The following TTC39B variants were observed in gnomAD, a reference collection of about 807,000 sequenced individuals.
TTC39B encodes tetratricopeptide repeat domain 39B, also known as tetratricopeptide repeat protein 39B.
In TTC39B, 92 loss-of-function variants were observed where a neutral mutation model predicts 96.6. The observed-to-expected ratio is 0.95, with a 90% CI of 0.80 to 1.13. The LOEUF (loss-of-function observed/expected upper bound fraction) is 1.13, where lower values mean the gene tolerates loss of function less well. Among genes scored for constraint, TTC39B ranks in the 50% most tolerant of loss-of-function variants. The probability of loss-of-function intolerance (pLI) is 0.00; values close to 1 mark genes in which losing one functional copy is unlikely to be tolerated. For missense variants in TTC39B, 955 were observed against 809.3 expected (o/e 1.18, Z -2.18); for synonymous variants, 367 against 299.4 (o/e 1.23, Z -2.33).
chr9:15,262,248 G>A (rs780036293), intron 2 of TTC39B, among the ~76,000 whole-genome samples: 10 of 152,036 alleles, frequency 6.6e-5, no homozygotes, highest in South Asian at 4.2e-4. Flanking sequence ...ACAGGCATGC[G>A]CCACAAAGCC....
intron 1 of TTC39B, among the ~76,000 whole-genome samples, chr9:15,274,448 A>G (rs924002598): frequency 3.3e-5 from 5 of 152,196 alleles, no homozygotes; most frequent in African/African-American, 4.8e-5. Flanking sequence ...ATGTTCTTTG[A>G]TGGCAAATGT....
intron 18 of TTC39B, among the ~76,000 whole-genome samples, chr9:15,177,345 AG>A (rs1817996463): frequency 6.6e-6 from 1 of 152,150 alleles, no homozygotes; most frequent in African/African-American, 2.4e-5. Context: ...TTAAAAAAAA[AG>A]AAAAGAAAAG....
chr9:15,281,625 CA>C (rs1161175672), intron 1 of TTC39B, among the ~76,000 whole-genome samples: 3,839 of 48,998 alleles, frequency 0.078, 43 homozygotes, highest in Non-Finnish European at 0.11. Context: ...CCTGCAACAG[CA>C]AAAAAAAAAA....
exon 1 of TTC39B, chr9:15,307,152 A>G: frequency 6.2e-7 from 1 of 1,605,900 alleles, no homozygotes; most frequent in Non-Finnish European, 8.5e-7. Context: ...CTGCCACCCA[A>G]AAACCAAGCA....
At position 15,208,448 on chromosome 9, in the gene TTC39B, C is replaced by T. The variant is rs537595500; in HGVS notation, c.691+1640G>A. On this transcript the variant is annotated intron_variant, in intron 6 of 19. Coordinates refer to ENST00000512701, the Ensembl canonical transcript of TTC39B. The stretch of plus-strand genomic sequence containing the variant: ...AAAAAGGGAGGCAGAGGTCAATGGG[C>T]CACTAGAGGGAAACCATAGAGAGAG... 2.3e-3 allele frequency among the ~76,000 whole-genome samples: 343 copies of T among 152,200 alleles called. 3 individuals carry two copies. The highest frequency in any genetic ancestry group is 7.9e-3 in the African/African-American group (328 of 41,510).
chr9:15,236,401 A>G (rs1156457136), intron 2 of TTC39B, among the ~76,000 whole-genome samples: 1 of 152,210 alleles, frequency 6.6e-6, no homozygotes, highest in African/African-American at 2.4e-5. Flanking sequence ...CACTGACATC[A>G]CTAGACAGAT....
chr9:15,233,084 G>C (rs189489491), intron 2 of TTC39B, among the ~76,000 whole-genome samples: 306 of 152,252 alleles, frequency 2.0e-3, no homozygotes, highest in African/African-American at 7.2e-3. Context: ...ACACCCAGCC[G>C]GGCAGTTGGA....
chr9:15,193,925 A>G (rs1340186402), intron 8 of TTC39B, among the ~76,000 whole-genome samples: 1 of 152,230 alleles, frequency 6.6e-6, no homozygotes, highest in Non-Finnish European at 1.5e-5. Context: ...GAATGAAAAG[A>G]GACTAAGGAG....
At position 15,261,131 on chromosome 9, in the gene TTC39B, G is replaced by A. The variant is rs369587430; in HGVS notation, c.275+6783C>T. Among the ~76,000 whole-genome samples, 12 of 152,218 alleles carry A rather than the reference G, an allele frequency of 7.9e-5. No homozygotes were observed. In the South Asian group the frequency reaches 8.3e-4, roughly 11 times the overall value. ...TAATCAGTGCCCAACCAGGACTCCC[G>A]GTTAGATTTTTGTCCCATTGCCCAC... On this transcript the variant is annotated intron_variant, in intron 2 of 19. Coordinates refer to ENST00000512701, the Ensembl canonical transcript of TTC39B.
chr9:15,306,147 AG>A lies in TTC39B; in HGVS notation c.240+936del, dbSNP rs1195099686. On this transcript the variant is annotated intron_variant, in intron 1 of 19. Transcript: ENST00000512701. This position sits in a 1 kb window ranked among gnomAD's most constrained non-coding sequence, Gnocchi z 5.1. ...ATCATTTGAAACCAAAGCCTTCTAA[AG>A]GCAGCGACTCGCACAATTCAAGTCA... is the stretch of plus-strand genomic sequence containing the variant. Among the ~76,000 whole-genome samples the A allele has an allele frequency of 4.6e-5, 7 of 152,340 alleles. No homozygotes were observed. In the East Asian group the frequency reaches 1.4e-3, roughly 29 times the overall value.
At chr9:15,273,924 G>A (rs902352755) in intron 1 of TTC39B, among the ~76,000 whole-genome samples, 15 of 152,280 alleles carry the variant, frequency 9.9e-5, no homozygotes, top group African/African-American at 3.1e-4. Context: ...TAGGTTCTAC[G>A]GAATACAAAC....
At chr9:15,272,005 G>A (rs1823372657) in intron 1 of TTC39B, among the ~76,000 whole-genome samples, 1 of 152,192 alleles carries the variant, frequency 6.6e-6, no homozygotes, top group East Asian at 1.9e-4. Flanking sequence ...GGTCCACGTG[G>A]AGGATGAAAC....
exon 20 of TTC39B, chr9:15,163,697 C>A (rs1330882833): frequency 6.6e-6 from 1 of 152,146 alleles, no homozygotes; most frequent in Non-Finnish European, 1.5e-5. Flanking sequence ...TATAAAAATA[C>A]AGAATTTTGA....
rs150432513 is a variant in TTC39B, at chr9:15,173,757, A to G, written c.1958+1262T>C. 2.6e-5 allele frequency among the ~76,000 whole-genome samples: 4 copies of G among 152,282 alleles called. No homozygotes were observed. In the East Asian group the frequency reaches 5.8e-4, roughly 22 times the overall value. On this transcript the variant is annotated intron_variant, in intron 19 of 19. Coordinates refer to ENST00000512701, the Ensembl canonical transcript of TTC39B. ...CTGTGCTGTTGACTGCAATCTCTAC[A>G]TTCAGCCCTGACCTTATCACTGAAC...
At chr9:15,297,465 G>C (rs374034997) in intron 1 of TTC39B, among the ~76,000 whole-genome samples, 1 of 152,190 alleles carries the variant, frequency 6.6e-6, no homozygotes, top group Non-Finnish European at 1.5e-5. Flanking sequence ...AGGCAGGAGA[G>C]AGAATGTCCA....
Position 15,172,112 on chromosome 9 carries a change from GA to G in TTC39B, c.1959-4del. 1 of 1,607,892 alleles carries G rather than the reference GA, an allele frequency of 6.2e-7. No homozygotes were observed. Among genetic ancestry groups the G allele is most frequent in the Non-Finnish European group, 8.5e-7 (1 of 1,175,680 alleles). On this transcript the variant is annotated splice_polypyrimidine_tract_variant and splice_region_variant and intron_variant, in intron 19 of 19. Coordinates refer to ENST00000512701, the Ensembl canonical transcript of TTC39B. Reference sequence around the variant, plus strand: ...GGGAGTAATCTTTGTAGTTGTTCCTGAAGACAATAACAATAAAATTGTACAG... The same window carrying G: ...GGGAGTAATCTTTGTAGTTGTTCCTGAGACAATAACAATAAAATTGTACAG...
intron 9 of TTC39B, 65 bp from the exon 10 acceptor site, chr9:15,191,320 T>C: frequency 1.7e-6 from 2 of 1,143,888 alleles, no homozygotes; most frequent in Non-Finnish European, 2.5e-6. Flanking sequence ...AAATCTAAAC[T>C]AACAACTTAC....
At chr9:15,238,422 T>A (rs528530684) in intron 2 of TTC39B, among the ~76,000 whole-genome samples, 4 of 152,154 alleles carry the variant, frequency 2.6e-5, no homozygotes, top group Admixed American at 6.6e-5. Flanking sequence ...GACTCCTAGA[T>A]TTGATAAACA....
chr9:15,188,049 C>G, exon 14 of TTC39B: 1 of 1,612,452 alleles, frequency 6.2e-7, no homozygotes, highest in Non-Finnish European at 8.5e-7. Flanking sequence ...AAACATTAAT[C>G]CACATTAGCT....
Sources: gnomAD v4.1 joint callset for allele counts (sites outside exome capture counted in the v4.1 genomes callset) on GRCh38, gnomAD v4.1.1 for gene constraint, Gnocchi (gnomAD v3.1) non-coding constraint, MANE v1.5 for transcripts, NCBI Gene and HGNC (gene_info 2026-07-23, HGNC 2026-07-21) for gene names.